TBC1D19: variants seen among roughly 807,000 people sequenced by gnomAD.
The protein encoded by TBC1D19 is TBC1 domain family member 19.
Under a neutral mutation model 89.0 loss-of-function variants are expected in TBC1D19, and 60 were observed. The ratio of observed to expected loss-of-function variants is 0.67; its 90% CI spans 0.55 to 0.84. TBC1D19 has a LOEUF of 0.84. Among genes scored for constraint, TBC1D19 ranks in the 40% least tolerant of loss-of-function variants. The probability of loss-of-function intolerance (pLI) is 0.00; values close to 1 mark genes in which losing one functional copy is unlikely to be tolerated. For synonymous variants in TBC1D19, 189 were observed against 199.7 expected, an observed-to-expected ratio of 0.95 and a Z score of 0.45; for missense variants, 500 against 610.8, an observed-to-expected ratio of 0.82 and a Z score of 1.91.
chr4:26,753,974 C>A (rs756149190), intron 20 of TBC1D19, 84 bp downstream of exon 20: 2 of 1,451,096 alleles, frequency 1.4e-6, no homozygotes, highest in African/African-American at 1.4e-5. Context: ...TTGCATAGGA[C>A]ACGCGTTACT....
At chr4:26,761,956 G>A in the TBC1D19 span, among the ~76,000 whole-genome samples, 7 of 151,990 alleles carry the variant, frequency 4.6e-5, no homozygotes, top group South Asian at 2.1e-4. Flanking sequence ...GTGAAACCCC[G>A]TCTCTACTAA....
At chr4:26,638,925 G>T in intron 6 of TBC1D19, 91 bp downstream of exon 6, 1 of 1,054,350 alleles carries the variant, frequency 9.5e-7, no homozygotes. Flanking sequence ...CAATTCTTTT[G>T]GGAAGATTGC....
intron 16 of TBC1D19, among the ~76,000 whole-genome samples, chr4:26,739,321 A>T (rs1419607510): frequency 2.0e-5 from 3 of 152,172 alleles, no homozygotes; most frequent in Non-Finnish European, 4.4e-5. Flanking sequence ...ATATATGGGG[A>T]TATAGCGATA....
rs1290921877 is a variant in TBC1D19, at chr4:26,754,788, G to C, written c.1507-85G>C. The C allele has an allele frequency of 4.9e-6, 5 of 1,017,750 alleles. No individual in the cohort carries two copies. In the Admixed American group the frequency reaches 8.3e-5, roughly 17 times the overall value. The allele number at this position is 1,017,750 out of a possible 1,614,324, so 63.0% of individuals were successfully genotyped here. A position where few individuals can be genotyped will look rare whatever the true frequency, so the allele number is the denominator to read the frequency against. ...AGGACAAATCCAAAGAAGGAGCTTA[G>C]TGTCAAAATTACATTGTAATTATGT... On this transcript the variant is annotated intron_variant, in intron 20 of 20. Coordinates refer to ENST00000264866, the MANE Select transcript of TBC1D19 (RefSeq NM_018317.4).
intron 2 of TBC1D19, among the ~76,000 whole-genome samples, chr4:26,613,587 G>C (rs1741506704): frequency 6.6e-6 from 1 of 152,010 alleles, no homozygotes; most frequent in South Asian, 2.1e-4. Flanking sequence ...GGCCAAATAG[G>C]TTTCTATTTA....
chr4:26,854,726 CTTTTTT>C, the TBC1D19 span, among the ~76,000 whole-genome samples: 3 of 126,118 alleles, frequency 2.4e-5, no homozygotes, highest in Non-Finnish European at 1.6e-5. Flanking sequence ...AATCTCCAGC[CTTTTTT>C]TTTTTTTTTT....
At chr4:26,624,306 C>T (rs150457766) in intron 4 of TBC1D19, among the ~76,000 whole-genome samples, 2 of 152,300 alleles carry the variant, frequency 1.3e-5, no homozygotes, top group African/African-American at 4.8e-5. Context: ...CTCTCTTGAA[C>T]TCTGTTGAAT....
At chr4:26,617,592 C>T (rs1418576283) in intron 3 of TBC1D19, among the ~76,000 whole-genome samples, 1 of 152,164 alleles carries the variant, frequency 6.6e-6, no homozygotes, top group Admixed American at 6.5e-5. Flanking sequence ...GTTATTGAGC[C>T]ACCTACCAAT....
chr4:26,685,894 TGA>T (rs1391908931), intron 12 of TBC1D19, among the ~76,000 whole-genome samples: 1 of 152,254 alleles, frequency 6.6e-6, no homozygotes, highest in Non-Finnish European at 1.5e-5. Flanking sequence ...AGTGCTAGGA[TGA>T]GAGTTCTCTT....
At chr4:26,804,489 C>T in the TBC1D19 span, among the ~76,000 whole-genome samples, 1 of 152,224 alleles carries the variant, frequency 6.6e-6, no homozygotes, top group Non-Finnish European at 1.5e-5. Context: ...TAATGGTGAC[C>T]GTGGGCCTGA....
At chr4:26,824,342 C>T in the TBC1D19 span, among the ~76,000 whole-genome samples, 2 of 152,228 alleles carry the variant, frequency 1.3e-5, no homozygotes, top group African/African-American at 4.8e-5. Flanking sequence ...GATTTTCTGT[C>T]ATTTGCAGTT....
At chr4:26,824,262 A>G in the TBC1D19 span, among the ~76,000 whole-genome samples, 1 of 152,354 alleles carries the variant, frequency 6.6e-6, no homozygotes, top group Non-Finnish European at 1.5e-5. Flanking sequence ...ACAGTGCGTG[A>G]GGCCTGAATC....
At chr4:26,645,371 C>T (rs1050897562) in intron 7 of TBC1D19, among the ~76,000 whole-genome samples, 4 of 152,316 alleles carry the variant, frequency 2.6e-5, no homozygotes, top group Admixed American at 2.6e-4. Flanking sequence ...GCCATCTGAA[C>T]TTTGACAAAC....
At chr4:26,765,456 G>A in the TBC1D19 span, among the ~76,000 whole-genome samples, 2 of 147,964 alleles carry the variant, frequency 1.4e-5, no homozygotes, top group East Asian at 2.0e-4. Context: ...GGTAGGGGGG[G>A]ATGGTTTATT....
In TBC1D19 at chr4:26,687,406, A is replaced by G. The variant is rs893497493; in HGVS notation, c.892-939A>G. 2.0e-5 allele frequency among the ~76,000 whole-genome samples: 3 copies of G among 152,120 alleles called. No homozygotes were observed. In the East Asian group the frequency reaches 5.8e-4, roughly 29 times the overall value. On this transcript the variant is annotated intron_variant, in intron 12 of 20. Coordinates refer to ENST00000264866, the MANE Select transcript of TBC1D19 (RefSeq NM_018317.4). Reference sequence around the variant, plus strand: ...GAACTGGATTTCAAATCTTAGTTAAATCTGTTGGAATTTTATGTTCTTTAC... The same window carrying G: ...GAACTGGATTTCAAATCTTAGTTAAGTCTGTTGGAATTTTATGTTCTTTAC...
intron 4 of TBC1D19, among the ~76,000 whole-genome samples, chr4:26,634,075 C>CAA (rs111244858): frequency 1.3e-3 from 163 of 128,024 alleles, no homozygotes; most frequent in African/African-American, 4.0e-3. Flanking sequence ...GAGTATTTTG[C>CAA]AAAAAAAAAA....
chr4:26,855,272 C>A, the TBC1D19 span, among the ~76,000 whole-genome samples: 2 of 152,194 alleles, frequency 1.3e-5, no homozygotes, highest in Non-Finnish European at 2.9e-5. Flanking sequence ...GTAAAGACTT[C>A]TGTGTACGTA....
Position 26,595,078 on chromosome 4 carries a change from T to G in TBC1D19, c.99+10786T>G, listed in dbSNP as rs138055789. 2.4e-3 allele frequency among the ~76,000 whole-genome samples: 370 copies of G among 152,344 alleles called. 3 individuals carry two copies. The highest frequency in any genetic ancestry group is 8.7e-3 in the African/African-American group (360 of 41,580). ...CACCAGCAAGAAATGAGAGTGCTGG[T>G]TGCTCCACATCCTCCCCAGCATTTG... is the stretch of plus-strand genomic sequence containing the variant. On this transcript the variant is annotated intron_variant, in intron 1 of 20. Coordinates refer to ENST00000264866, the MANE Select transcript of TBC1D19 (RefSeq NM_018317.4).
intron 11 of TBC1D19, among the ~76,000 whole-genome samples, chr4:26,675,189 C>T (rs886871373): frequency 1.3e-5 from 2 of 152,010 alleles, no homozygotes; most frequent in African/African-American, 4.8e-5. Context: ...TTTGTAGATG[C>T]ACTGCCAACT....
Sources: gnomAD v4.1 joint callset for allele counts (sites outside exome capture counted in the v4.1 genomes callset) on GRCh38, gnomAD v4.1.1 for gene constraint, MANE v1.5 for transcripts, NCBI Gene and HGNC (gene_info 2026-07-23, HGNC 2026-07-21) for gene names.